Variants in GNAO1 observed in about 807,000 individuals in gnomAD.
GNAO1 encodes G protein subunit alpha o1.
For synonymous variants in GNAO1, 164 were observed against 180.7 expected (o/e 0.91, Z 0.74); for missense variants, 166 against 478.7 (o/e 0.35, Z 6.10).
At chr16:56,291,313 G>A (rs1195189033) in intron 3 of GNAO1, among the ~76,000 whole-genome samples, 2 of 152,088 alleles carry the variant, frequency 1.3e-5, no homozygotes, top group Non-Finnish European at 2.9e-5. Context: ...AGCCATCCTC[G>A]TGGCTATAAC....
At chr16:56,331,370 G>A (rs2037686602) in intron 4 of GNAO1, among the ~76,000 whole-genome samples, 1 of 152,142 alleles carries the variant, frequency 6.6e-6, no homozygotes, top group South Asian at 2.1e-4. Context: ...CTCAAATCCA[G>A]TTCCCCACTG....
At chr16:56,337,338 G>C (rs1447195909) in intron 6 of GNAO1, among the ~76,000 whole-genome samples, 1 of 152,220 alleles carries the variant, frequency 6.6e-6, no homozygotes, top group East Asian at 1.9e-4. Context: ...GATGCTGCAG[G>C]AGAGTTGCGT....
At chr16:56,318,234 C>T (rs1268927524) in intron 3 of GNAO1, among the ~76,000 whole-genome samples, 3 of 152,172 alleles carry the variant, frequency 2.0e-5, no homozygotes, top group African/African-American at 4.8e-5. Context: ...ACGGAGAGAA[C>T]GTGACGGTGT....
intron 6 of GNAO1, chr16:56,344,688 G>A (rs2037844859): frequency 2.0e-6 from 2 of 985,572 alleles, no homozygotes; most frequent in Non-Finnish European, 2.4e-6. Flanking sequence ...GGAGGTGGAA[G>A]CTCCTGTGTC....
intron 3 of GNAO1, among the ~76,000 whole-genome samples, chr16:56,285,869 T>C (rs1215340489): frequency 6.6e-6 from 1 of 152,210 alleles, no homozygotes; most frequent in Admixed American, 6.5e-5. Context: ...CTCTCCCGAC[T>C]ATGTCTGGGA....
At chr16:56,216,520 T>C (rs1279140062) in intron 2 of GNAO1, among the ~76,000 whole-genome samples, 1 of 152,234 alleles carries the variant, frequency 6.6e-6, no homozygotes, top group Non-Finnish European at 1.5e-5. Context: ...GCCACAGCTC[T>C]TTCTTTGGCA....
chr16:56,334,893 G>A (rs1406636850), intron 5 of GNAO1, 36 bp downstream of exon 5: 2 of 1,610,126 alleles, frequency 1.2e-6, no homozygotes, highest in East Asian at 2.2e-5. Flanking sequence ...CCTGGCGAGG[G>A]CTAAGATGGG....
At chr16:56,261,759 G>A (rs1360065442) in intron 2 of GNAO1, among the ~76,000 whole-genome samples, 2 of 152,150 alleles carry the variant, frequency 1.3e-5, no homozygotes, top group Non-Finnish European at 2.9e-5. Context: ...TCCTATGGTG[G>A]TGTAACCCTC....
At chr16:56,334,920 A>C in intron 5 of GNAO1, 63 bp downstream of exon 5, 1 of 1,573,736 alleles carries the variant, frequency 6.4e-7, no homozygotes, top group South Asian at 1.1e-5. Context: ...CCAGCCTCTC[A>C]GCGCATTGCG....
At chr16:56,227,522 G>T (rs533312504) in intron 2 of GNAO1, among the ~76,000 whole-genome samples, 1 of 152,000 alleles carries the variant, frequency 6.6e-6, no homozygotes, top group South Asian at 2.1e-4. Flanking sequence ...GTGCTTCAAC[G>T]GTAAGAGCTG....
At chr16:56,355,318 T>C (rs2037958147) in intron 8 of GNAO1, 1 of 156,978 alleles carries the variant, frequency 6.4e-6, no homozygotes, top group Non-Finnish European at 1.4e-5. Context: ...GAGGTTTTCC[T>C]GGGACGGCAC....
chr16:56,268,393 G>A (rs1360915610), intron 2 of GNAO1, among the ~76,000 whole-genome samples: 2 of 152,332 alleles, frequency 1.3e-5, no homozygotes, highest in Admixed American at 6.5e-5. Flanking sequence ...GAGGGACCAG[G>A]CCTCATAGGC....
At chr16:56,297,149 G>A (rs2037294888) in intron 3 of GNAO1, among the ~76,000 whole-genome samples, 2 of 152,108 alleles carry the variant, frequency 1.3e-5, no homozygotes, top group Non-Finnish European at 2.9e-5. Context: ...CCCAGGGTGG[G>A]GTCAGATAAA....
intron 8 of GNAO1, 170 bp downstream of exon 8, chr16:56,355,251 T>G (rs2037957593): frequency 5.3e-6 from 1 of 188,602 alleles, no homozygotes; most frequent in South Asian, 1.9e-4. Context: ...AAAAAATCTT[T>G]TTAGTTTGTA....
chr16:56,222,702 G>GA (rs2036501762), intron 2 of GNAO1, among the ~76,000 whole-genome samples: 1 of 152,192 alleles, frequency 6.6e-6, no homozygotes, highest in South Asian at 2.1e-4. Flanking sequence ...TGTGAGAAAG[G>GA]AAATGCAGAA....
chr16:56,311,395 T>A lies in GNAO1; in HGVS notation c.304-17236T>A, dbSNP rs1270185551. Among the ~76,000 whole-genome samples the A allele has an allele frequency of 6.6e-6, 1 of 152,072 alleles. No homozygotes were observed. Among genetic ancestry groups the A allele is most frequent in the South Asian group, 2.1e-4 (1 of 4,820 alleles). On this transcript the variant is annotated intron_variant, in intron 3 of 8. Transcript: ENST00000262493. The surrounding 1 kb of genome is among the most constrained non-coding windows in gnomAD (Gnocchi z 5.2). ...TCACCCAGTGAGCCCTGTGCAGCTC[T>A]TCCCCAGCAGAGGGCAGAGTTGATA...
intron 2 of GNAO1, among the ~76,000 whole-genome samples, chr16:56,207,653 C>G (rs374041197): frequency 6.6e-6 from 1 of 152,308 alleles, no homozygotes; most frequent in African/African-American, 2.4e-5. Flanking sequence ...ATGTTCAACA[C>G]TGTTGTTGAC....
At chr16:56,223,555 A>G (rs113133550) in intron 2 of GNAO1, among the ~76,000 whole-genome samples, 1 of 152,334 alleles carries the variant, frequency 6.6e-6, no homozygotes, top group Non-Finnish European at 1.5e-5. Flanking sequence ...TCCAGGGATT[A>G]GGATGTGGAC....
At chr16:56,283,270 G>A (rs1268589807) in intron 3 of GNAO1, among the ~76,000 whole-genome samples, 13 of 152,182 alleles carry the variant, frequency 8.5e-5, no homozygotes, top group African/African-American at 3.1e-4. Context: ...GTGGGGGGCA[G>A]CACGACCCTA....
Sources: allele counts gnomAD v4.1 joint callset (sites outside exome capture counted in the v4.1 genomes callset), GRCh38; gene constraint gnomAD v4.1.1; non-coding constraint Gnocchi (gnomAD v3.1); transcripts MANE v1.5; gene names NCBI Gene and HGNC (gene_info 2026-07-23, HGNC 2026-07-21).